Variants in MTHFD2L observed in about 807,000 individuals in gnomAD.
MTHFD2L encodes methylenetetrahydrofolate dehydrogenase (NADP+ dependent) 2 like, also known as bifunctional methylenetetrahydrofolate dehydrogenase/cyclohydrolase 2, mitochondrial.
Under a neutral mutation model 34.9 loss-of-function variants are expected in MTHFD2L, and 29 were observed. That is an observed-to-expected ratio of 0.83 (90% confidence interval 0.62 to 1.13). MTHFD2L has a LOEUF of 1.13. Among genes scored for constraint, MTHFD2L ranks in the 50% most tolerant of loss-of-function variants. The pLI is 0.00. For missense variants in MTHFD2L, 481 were observed against 446.5 expected, an observed-to-expected ratio of 1.08 and a Z score of -0.70; for synonymous variants, 167 against 155.7, an observed-to-expected ratio of 1.07 and a Z score of -0.54.
chr4:74,222,095 A>G (rs1198547896), intron 5 of MTHFD2L, among the ~76,000 whole-genome samples: 1 of 152,020 alleles, frequency 6.6e-6, no homozygotes, highest in East Asian at 1.9e-4. Flanking sequence ...CAGCTTTTAA[A>G]CATTTGTTGA....
intron 6 of MTHFD2L, among the ~76,000 whole-genome samples, chr4:74,263,877 C>T (rs914241762): frequency 1.3e-5 from 2 of 151,882 alleles, no homozygotes; most frequent in Admixed American, 1.3e-4. Context: ...TAAGGTTTAT[C>T]CCAGAAATCT....
chr4:74,173,107 T>G (rs1728342597), intron 1 of MTHFD2L, among the ~76,000 whole-genome samples: 1 of 152,148 alleles, frequency 6.6e-6, no homozygotes, highest in African/African-American at 2.4e-5. Flanking sequence ...ACATTTGATG[T>G]TTTTTGTAGT....
intron 1 of MTHFD2L, among the ~76,000 whole-genome samples, chr4:74,139,699 T>C (rs910742540): frequency 3.9e-5 from 6 of 152,226 alleles, no homozygotes; most frequent in African/African-American, 1.4e-4. Flanking sequence ...TAACTCATTC[T>C]CATATTTGAA....
At chr4:74,294,129 T>C (rs2110318606) in intron 7 of MTHFD2L, among the ~76,000 whole-genome samples, 1 of 152,224 alleles carries the variant, frequency 6.6e-6, no homozygotes, top group Non-Finnish European at 1.5e-5. Context: ...AACACAATAC[T>C]ATAGGAACGT....
Position 74,158,168 on chromosome 4 carries a change from G to A in MTHFD2L, c.30G>A (p.Leu10=). 1.3e-6 allele frequency: 2 copies of A among 1,529,230 alleles called. No homozygotes were observed. Among genetic ancestry groups the A allele is most frequent in the Non-Finnish European group, 8.8e-7 (1 of 1,139,368 alleles). 94.7% of individuals were successfully genotyped at this position (1,529,230 alleles called of 1,614,324 possible). Residue 10 remains leucine, a synonymous_variant, in exon 1 of 8, where the codon CTG becomes CTA. Coordinates refer to ENST00000325278, the MANE Select transcript of MTHFD2L (RefSeq NM_001144978.3). The part of the protein sequence containing the change: MTVPVRGFS[L]LRGRLGRAPA... ...CGGTGCCGGTCCGCGGCTTCTCGCT[G>A]CTCCGCGGCCGCCTTGGCCGAGCGC...
At chr4:74,122,439 G>A (rs1175563811), upstream of MTHFD2L, among the ~76,000 whole-genome samples, 1 of 152,136 alleles carries the variant, frequency 6.6e-6, no homozygotes, top group African/African-American at 2.4e-5. Flanking sequence ...AGAAGAGCAA[G>A]GGGGAAATCC....
chr4:74,228,836 T>TACAC (rs2110132491), intron 6 of MTHFD2L, among the ~76,000 whole-genome samples: 1 of 152,250 alleles, frequency 6.6e-6, no homozygotes, highest in African/African-American at 2.4e-5. Flanking sequence ...GCTTTAGGTG[T>TACAC]GGTGGGTGTT....
chr4:74,126,147 C>T (rs1006576295), intron 1 of MTHFD2L, among the ~76,000 whole-genome samples: 2 of 152,084 alleles, frequency 1.3e-5, no homozygotes, highest in Admixed American at 1.3e-4. Flanking sequence ...CCTCACTTAA[C>T]CTCATCAATA....
At chr4:74,160,918 C>T (rs1725298091) in intron 1 of MTHFD2L, 1 of 152,174 alleles carries the variant, frequency 6.6e-6, no homozygotes, top group African/African-American at 2.4e-5. Context: ...TCACAAAACC[C>T]GCTTTGGCTT....
Position 74,158,127 on chromosome 4 carries a change from G to T in MTHFD2L, c.-12G>T. The T allele has an allele frequency of 6.5e-7, 1 of 1,530,606 alleles. No homozygotes were observed. Among genetic ancestry groups the T allele is most frequent in the Non-Finnish European group, 8.8e-7 (1 of 1,141,618 alleles). 94.8% of individuals were successfully genotyped at this position (1,530,606 alleles called of 1,614,324 possible). ...GGTGGAGCCCCAGTCCGGAAGCCGGGGATCCGCGGCCATGACGGTGCCGGT... is the reference window on the plus strand; with the variant it reads ...GGTGGAGCCCCAGTCCGGAAGCCGGTGATCCGCGGCCATGACGGTGCCGGT... On this transcript the variant is annotated 5_prime_UTR_variant, in exon 1 of 8. Transcript: ENST00000325278.
At chr4:74,240,509 A>G (rs1036526658) in intron 6 of MTHFD2L, among the ~76,000 whole-genome samples, 10 of 152,198 alleles carry the variant, frequency 6.6e-5, no homozygotes, top group African/African-American at 1.2e-4. Context: ...TAGGAATTCT[A>G]TAGATGCAAT....
chr4:74,146,359 A>G (rs1343827544), intron 1 of MTHFD2L, among the ~76,000 whole-genome samples: 2 of 152,178 alleles, frequency 1.3e-5, no homozygotes, highest in Non-Finnish European at 2.9e-5. Flanking sequence ...TTAAATTGTG[A>G]TAAGTTGTAC....
At chr4:74,219,887 T>C (rs1737854450) in intron 5 of MTHFD2L, among the ~76,000 whole-genome samples, 1 of 152,086 alleles carries the variant, frequency 6.6e-6, no homozygotes, top group African/African-American at 2.4e-5. Flanking sequence ...GTTAACCTGA[T>C]AGTATTGAAA....
intron 6 of MTHFD2L, among the ~76,000 whole-genome samples, chr4:74,268,968 T>C (rs1325553082): frequency 1.3e-5 from 2 of 152,202 alleles, no homozygotes; most frequent in African/African-American, 2.4e-5. Flanking sequence ...TGATTTATTT[T>C]ATATTTGTCA....
intron 6 of MTHFD2L, among the ~76,000 whole-genome samples, chr4:74,248,852 G>T (rs1232863309): frequency 8.6e-5 from 13 of 151,584 alleles, no homozygotes; most frequent in Admixed American, 8.5e-4. Context: ...GAGACAGTTT[G>T]TTATAATTTC....
intron 1 of MTHFD2L, among the ~76,000 whole-genome samples, chr4:74,147,596 G>T (rs1285433753): frequency 6.6e-6 from 1 of 152,142 alleles, no homozygotes. Context: ...CATGTGTCCT[G>T]CCAGGGAATC....
intron 3 of MTHFD2L, among the ~76,000 whole-genome samples, chr4:74,177,872 G>C (rs1255070906): frequency 6.6e-6 from 1 of 151,808 alleles, no homozygotes; most frequent in Admixed American, 6.6e-5. Flanking sequence ...TGGCTGAATG[G>C]ATAAAGTAAA....
chr4:74,227,560 T>TG (rs1002538135), intron 6 of MTHFD2L, among the ~76,000 whole-genome samples: 9 of 151,744 alleles, frequency 5.9e-5, no homozygotes, highest in Non-Finnish European at 7.4e-5. Context: ...GGAGCATGCT[T>TG]GATGTATTCC....
At chr4:74,145,895 C>G (rs1429887531) in intron 1 of MTHFD2L, among the ~76,000 whole-genome samples, 2 of 152,160 alleles carry the variant, frequency 1.3e-5, no homozygotes, top group Non-Finnish European at 2.9e-5. Flanking sequence ...TAAATGCTCT[C>G]TGAGGCCTCC....
Sources: gnomAD v4.1 joint callset for allele counts (sites outside exome capture counted in the v4.1 genomes callset) on GRCh38, gnomAD v4.1.1 for gene constraint, MANE v1.5 for transcripts, NCBI Gene and HGNC (gene_info 2026-07-23, HGNC 2026-07-21) for gene names.